Variants in TUB observed in about 807,000 individuals in gnomAD.
TUB encodes TUB bipartite transcription factor.
A neutral mutation model predicts 59.7 loss-of-function variants in TUB; 33 were observed. The ratio of observed to expected loss-of-function variants is 0.55; its 90% CI spans 0.42 to 0.74. The LOEUF is 0.74. Among genes scored for constraint, TUB ranks in the 30% least tolerant of loss-of-function variants. The pLI, the probability that TUB is intolerant of heterozygous loss-of-function variation, is 0.00. For missense variants in TUB, 659 were observed against 672.0 expected (o/e 0.98, Z 0.21); for synonymous variants, 293 against 256.4 (o/e 1.14, Z -1.36).
intron 1 of TUB, among the ~76,000 whole-genome samples, chr11:8,028,603 AG>A (rs1210636651): frequency 6.6e-6 from 1 of 152,214 alleles, no homozygotes; most frequent in East Asian, 1.9e-4. Context: ...TTCTGTATAT[AG>A]TATGAGTTGT....
At chr11:8,020,257 C>T (rs1233021570) in intron 1 of TUB, among the ~76,000 whole-genome samples, 1 of 152,212 alleles carries the variant, frequency 6.6e-6, no homozygotes, top group Non-Finnish European at 1.5e-5. Flanking sequence ...TTTCCTGACC[C>T]ATGACCCTAG....
chr11:8,020,228 G>A (rs1485036246), intron 1 of TUB, among the ~76,000 whole-genome samples: 7 of 152,210 alleles, frequency 4.6e-5, no homozygotes, highest in Non-Finnish European at 7.3e-5. Context: ...AAGTCCATCT[G>A]CAGAATTCTG....
At chr11:8,064,323 C>T (rs1219170789) in intron 2 of TUB, among the ~76,000 whole-genome samples, 4 of 152,218 alleles carry the variant, frequency 2.6e-5, no homozygotes, top group African/African-American at 9.6e-5. Flanking sequence ...CCTCTTACCC[C>T]AGATGTGACC....
intron 2 of TUB, among the ~76,000 whole-genome samples, chr11:8,073,169 C>A (rs886265348): frequency 6.6e-6 from 1 of 152,194 alleles, no homozygotes; most frequent in Non-Finnish European, 1.5e-5. Context: ...AAACTCAGCT[C>A]ACAGCTTGAC....
At position 8,081,527 on chromosome 11, in the gene TUB, A is replaced by T. The variant is rs1322288753; in HGVS notation, c.17A>T (p.His6Leu). 1 of 1,551,218 alleles carries T rather than the reference A, an allele frequency of 6.4e-7. No individual in the cohort carries two copies. Among genetic ancestry groups the T allele is most frequent in the Non-Finnish European group, 8.7e-7 (1 of 1,154,912 alleles). Residue 6 changes from histidine to leucine, a missense_variant, in exon 1 of 12, where the codon CAT (histidine) becomes CTT (leucine). His to Leu is a moderately conservative substitution (Grantham distance 99, BLOSUM62 -3). Transcript: ENST00000299506. ...CCGAGAGACATGACTTCCAAGCCGC[A>T]TTCCGACTGGATTCCCTACAGGTAC... Reference protein sequence around the residue: MTSKPHSDWIPYSVLD... With the variant: MTSKPLSDWIPYSVLD...
chr11:8,089,471 T>C (rs1006263074), intron 1 of TUB, 139 bp from the exon 2 acceptor site: 6 of 1,022,134 alleles, frequency 5.9e-6, no homozygotes, highest in African/African-American at 3.2e-5. Flanking sequence ...CCTTCCTCCT[T>C]CTACCATGTG....
intron 2 of TUB, among the ~76,000 whole-genome samples, chr11:8,069,565 GTGCTCCTCT>G (rs1943319995): frequency 6.6e-6 from 1 of 152,094 alleles, no homozygotes; most frequent in South Asian, 2.1e-4. Flanking sequence ...AATGGGATTG[GTGCTCCTCT>G]CATTAGCCGT....
chr11:8,042,206 T>G (rs900202395), intron 2 of TUB, among the ~76,000 whole-genome samples: 1 of 152,146 alleles, frequency 6.6e-6, no homozygotes, highest in African/African-American at 2.4e-5. Flanking sequence ...TCTGGACATT[T>G]CATGTAAATG....
rs1305145248 is a variant in TUB, at chr11:8,103,002, G to A, written c.*1383G>A. The A allele has an allele frequency of 6.6e-6, 1 of 152,282 alleles. No individual in the cohort carries two copies. The highest frequency in any genetic ancestry group is 6.5e-5 in the Admixed American group (1 of 15,296). The allele number at this position is 152,282 out of a possible 1,614,324, so 9.4% of individuals were successfully genotyped here. A position where few individuals can be genotyped will look rare whatever the true frequency, so the allele number is the denominator to read the frequency against. On this transcript the variant is annotated 3_prime_UTR_variant, in exon 12 of 12. Transcript: ENST00000299506. ...GATAAATTAGATTGAAACCATTCCAGTAGGAAATCAGGCAGTTCCCTGTTG... is the reference window on the plus strand; with the variant it reads ...GATAAATTAGATTGAAACCATTCCAATAGGAAATCAGGCAGTTCCCTGTTG...
At chr11:8,073,241 G>A (rs1002650980) in intron 2 of TUB, among the ~76,000 whole-genome samples, 2 of 152,192 alleles carry the variant, frequency 1.3e-5, no homozygotes, top group African/African-American at 2.4e-5. Context: ...TCTAGAGTCT[G>A]ATATTTAGAA....
chr11:8,034,295 G>C (rs1942617177), upstream of TUB, among the ~76,000 whole-genome samples: 1 of 152,174 alleles, frequency 6.6e-6, no homozygotes, highest in Non-Finnish European at 1.5e-5. Context: ...CAGTGGGAGT[G>C]GGGTCTGAGG....
At chr11:8,101,102 T>C (rs1944279335) in intron 11 of TUB, 105 bp downstream of exon 11, 1 of 1,360,848 alleles carries the variant, frequency 7.3e-7, no homozygotes. Flanking sequence ...AGTTTAAGAA[T>C]GTGAGCTATA....
Position 8,038,911 on chromosome 11 carries a change from C to T in TUB, c.38C>T (p.Ser13Phe), listed in dbSNP as rs746373998. The T allele has an allele frequency of 6.2e-7, 1 of 1,613,700 alleles. No homozygotes were observed. Residue 13 changes from serine to phenylalanine, a missense_variant, in exon 1 of 13, where the codon TCT becomes TTT. Ser to Phe is a radical substitution (Grantham distance 155). Coordinates refer to the TUB transcript ENST00000305253. ...ACACCTTTGCCTTCTTTCTGGGTTTCTTTCTTTGCCGAGACAGGGATTTTG... is the reference window on the plus strand; with the variant it reads ...ACACCTTTGCCTTCTTTCTGGGTTTTTTTCTTTGCCGAGACAGGGATTTTG...
chr11:8,058,337 G>A (rs1589938608), intron 2 of TUB, among the ~76,000 whole-genome samples: 1 of 152,156 alleles, frequency 6.6e-6, no homozygotes, highest in Admixed American at 6.5e-5. Context: ...CCCTGCGCTT[G>A]TCTGTTGTGT....
chr11:8,076,954 A>G (rs566021269), upstream of TUB: 20 of 152,270 alleles, frequency 1.3e-4, no homozygotes, highest in African/African-American at 4.8e-4. Flanking sequence ...CAGTGGTGCA[A>G]TGGTCTTTGT....
intron 1 of TUB, among the ~76,000 whole-genome samples, chr11:8,027,174 T>G (rs1359022234): frequency 1.3e-5 from 2 of 152,230 alleles, no homozygotes; most frequent in African/African-American, 2.4e-5. Context: ...TGGCATCAGT[T>G]ACATTCACAG....
chr11:8,090,030 G>A, intron 2 of TUB, 39 bp from the exon 3 acceptor site: 1 of 1,546,992 alleles, frequency 6.5e-7, no homozygotes, highest in Non-Finnish European at 8.7e-7. Flanking sequence ...GCCCTTCCTG[G>A]TGGAGGCAGT....
chr11:8,076,888 G>T (rs1943458892), upstream of TUB: 1 of 152,172 alleles, frequency 6.6e-6, no homozygotes, highest in African/African-American at 2.4e-5. Context: ...AATTTTACTA[G>T]TGGTTGACCT....
chr11:8,019,555 AC>A (rs1942387474), intron 1 of TUB, among the ~76,000 whole-genome samples: 2 of 151,964 alleles, frequency 1.3e-5, no homozygotes, highest in African/African-American at 2.4e-5. Flanking sequence ...TAGTGTCCCC[AC>A]ACCCACGGGG....
Sources: allele counts gnomAD v4.1 joint callset (sites outside exome capture counted in the v4.1 genomes callset), GRCh38; gene constraint gnomAD v4.1.1; transcripts MANE v1.5; gene names NCBI Gene and HGNC (gene_info 2026-07-23, HGNC 2026-07-21).